Variants in CDH18 observed in about 807,000 individuals in gnomAD.
CDH18 encodes the protein cadherin-18.
Under a neutral mutation model 67.9 loss-of-function variants are expected in CDH18, and 31 were observed. The ratio of observed to expected loss-of-function variants is 0.46; its 90% CI spans 0.34 to 0.62. The LOEUF (loss-of-function observed/expected upper bound fraction) is 0.62. CDH18 is among the 20% of genes least tolerant of loss of function. CDH18 has a pLI of 0.01. For missense variants in CDH18, 890 were observed against 975.5 expected (o/e 0.91, Z 1.17); for synonymous variants, 362 against 347.2 (o/e 1.04, Z -0.48).
chr5:20,508,761 T>TA (rs1338699616), intron 1 of CDH18, among the ~76,000 whole-genome samples: 1 of 152,028 alleles, frequency 6.6e-6, no homozygotes, highest in African/African-American at 2.4e-5. Flanking sequence ...CCATTGTTGG[T>TA]AAAATAAAAT....
chr5:19,799,729 T>G (rs1777252784), intron 3 of CDH18, among the ~76,000 whole-genome samples: 1 of 152,142 alleles, frequency 6.6e-6, no homozygotes, highest in Non-Finnish European at 1.5e-5. Context: ...TGAAGTTTAG[T>G]ATGTTAGCTA....
intron 2 of CDH18, among the ~76,000 whole-genome samples, chr5:20,008,357 A>C (rs549750328): frequency 6.6e-6 from 1 of 152,266 alleles, no homozygotes; most frequent in African/African-American, 2.4e-5. Flanking sequence ...CGTTTTAATT[A>C]AACTAAACAT....
chr5:19,996,234 T>C (rs1160497912), intron 2 of CDH18, among the ~76,000 whole-genome samples: 4 of 152,096 alleles, frequency 2.6e-5, no homozygotes, highest in African/African-American at 9.6e-5. Context: ...CTTTGAAAAA[T>C]GATGCATATA....
chr5:20,251,686 T>C (rs577449059), intron 2 of CDH18, among the ~76,000 whole-genome samples: 11 of 152,274 alleles, frequency 7.2e-5, no homozygotes, highest in South Asian at 4.1e-4. Context: ...GTGGATGGCC[T>C]TGTATCTTTT....
At chr5:20,273,089 T>C (rs1404985605) in intron 1 of CDH18, among the ~76,000 whole-genome samples, 3 of 152,096 alleles carry the variant, frequency 2.0e-5, no homozygotes, top group Non-Finnish European at 4.4e-5. Context: ...TCTATTCATA[T>C]ATTTGCAACT....
chr5:19,798,404 A>T (rs951336004), intron 3 of CDH18, among the ~76,000 whole-genome samples: 2 of 152,064 alleles, frequency 1.3e-5, no homozygotes, highest in Non-Finnish European at 1.5e-5. Flanking sequence ...TCATTAAAAA[A>T]TTATGCTCAA....
At chr5:20,465,227 A>C (rs1003030942) in intron 1 of CDH18, among the ~76,000 whole-genome samples, 4 of 151,538 alleles carry the variant, frequency 2.6e-5, no homozygotes, top group Admixed American at 6.6e-5. Flanking sequence ...AGAAGACTGA[A>C]AATAAAATGA....
chr5:20,419,367 T>C (rs990670867), intron 1 of CDH18, among the ~76,000 whole-genome samples: 1 of 150,850 alleles, frequency 6.6e-6, no homozygotes, highest in African/African-American at 2.4e-5. Context: ...CCATGCTGGC[T>C]CCACGGGTTC....
rs1319806266 is a variant in CDH18 at position 19,483,403 on chromosome 5, C to T, written c.1780G>A (p.Asp594Asn). The T allele has an allele frequency of 6.2e-7, 1 of 1,613,994 alleles. No individual in the cohort carries two copies. The highest frequency in any genetic ancestry group is 8.5e-7 in the Non-Finnish European group (1 of 1,180,014). The change falls in exon 12 of 13, where the codon GAT (aspartate) becomes AAT (asparagine). Residue 594 changes from aspartate (D) to asparagine (N), a missense_variant. Transcript: ENST00000382275. ...GCATGGCAGGTCCGCACACGCCCAT[C>T]TCTCTCGCATGCACAAACCCTGATG... ...LTIRVCACERDGRVRTCHAEA... is the reference protein window; with the variant it reads ...LTIRVCACERNGRVRTCHAEA...
chr5:19,993,574 T>G (rs1396727067), intron 2 of CDH18, among the ~76,000 whole-genome samples: 1 of 152,110 alleles, frequency 6.6e-6, no homozygotes, highest in Non-Finnish European at 1.5e-5. Flanking sequence ...CCACTTGAAC[T>G]ACACCTATTC....
chr5:20,128,750 G>C (rs75006581), intron 2 of CDH18, among the ~76,000 whole-genome samples: 7,065 of 152,018 alleles, frequency 0.046, 431 homozygotes, highest in East Asian at 0.27. Context: ...TCTTACATTC[G>C]TGTATTGACT....
At chr5:20,369,152 G>T (rs1387136761) in intron 1 of CDH18, among the ~76,000 whole-genome samples, 1 of 151,978 alleles carries the variant, frequency 6.6e-6, no homozygotes, top group East Asian at 1.9e-4. Flanking sequence ...TTGGATAGAG[G>T]CTGGGAGAGT....
At chr5:19,892,752 T>G (rs1280405564) in intron 2 of CDH18, among the ~76,000 whole-genome samples, 1 of 152,068 alleles carries the variant, frequency 6.6e-6, no homozygotes, top group Non-Finnish European at 1.5e-5. Context: ...CGAGAACATA[T>G]GGGTGAGCTC....
At chr5:19,563,253 T>C (rs1306473623) in intron 8 of CDH18, among the ~76,000 whole-genome samples, 1 of 152,188 alleles carries the variant, frequency 6.6e-6, no homozygotes, top group Admixed American at 6.5e-5. Context: ...TAAAGCAAAA[T>C]TGGATTTGCA....
At chr5:19,564,246 C>T (rs953474661) in intron 8 of CDH18, among the ~76,000 whole-genome samples, 13 of 152,096 alleles carry the variant, frequency 8.5e-5, no homozygotes, top group Non-Finnish European at 1.2e-4. Context: ...AGCCAGCTGG[C>T]GTGGTCAAGG....
At chr5:20,561,036 C>T (rs372240186) in intron 1 of CDH18, among the ~76,000 whole-genome samples, 127 of 151,932 alleles carry the variant, frequency 8.4e-4, no homozygotes, top group African/African-American at 2.4e-3. Flanking sequence ...ATTAGAGAAA[C>T]GCAAATTAAA....
intron 2 of CDH18, among the ~76,000 whole-genome samples, chr5:20,081,119 T>A (rs1416681060): frequency 3.3e-5 from 5 of 151,480 alleles, no homozygotes; most frequent in Admixed American, 1.3e-4. Flanking sequence ...TGTTTTCTAT[T>A]TGACTGATTA....
At chr5:19,514,478 C>A (rs1225843886) in intron 10 of CDH18, among the ~76,000 whole-genome samples, 1 of 152,202 alleles carries the variant, frequency 6.6e-6, no homozygotes, top group Non-Finnish European at 1.5e-5. Context: ...TAAAAGTGTT[C>A]CTATTTCTCC....
chr5:19,577,853 G>A (rs1013788965), intron 7 of CDH18, among the ~76,000 whole-genome samples: 1 of 152,230 alleles, frequency 6.6e-6, no homozygotes, highest in African/African-American at 2.4e-5. Flanking sequence ...ACTATAAGAA[G>A]AGGTGATAAT....
Sources: gnomAD v4.1 joint callset for allele counts (sites outside exome capture counted in the v4.1 genomes callset) on GRCh38, gnomAD v4.1.1 for gene constraint, MANE v1.5 for transcripts, NCBI Gene and HGNC (gene_info 2026-07-23, HGNC 2026-07-21) for gene names.